ZNF85: variants seen among roughly 807,000 people sequenced by gnomAD.
ZNF85 encodes zinc finger protein 85 (HPF4, HTF1).
In ZNF85, 50 loss-of-function variants were observed where a neutral mutation model predicts 53.9. The ratio of observed to expected loss-of-function variants is 0.93; its 90% CI spans 0.74 to 1.17. ZNF85 has a LOEUF of 1.17. Ranked by LOEUF, ZNF85 falls within the 50% of genes most tolerant of loss-of-function variation. The pLI, the probability that ZNF85 is intolerant of heterozygous loss-of-function variation, is 0.00. For synonymous variants in ZNF85, 225 were observed against 226.1 expected, an observed-to-expected ratio of 1.00 and a Z score of 0.04; for missense variants, 747 against 688.5, an observed-to-expected ratio of 1.08 and a Z score of -0.95.
At chr19:20,937,003 T>TG (rs1483087888) in intron 3 of ZNF85, 5 of 188,236 alleles carry the variant, frequency 2.7e-5, no homozygotes, top group Non-Finnish European at 4.4e-5. Flanking sequence ...TTCAAGTTTT[T>TG]GGGGTTTTTT....
intron 1 of ZNF85, among the ~76,000 whole-genome samples, chr19:20,932,786 T>C (rs1443228880): frequency 2.6e-5 from 4 of 152,208 alleles, no homozygotes; most frequent in Admixed American, 2.6e-4. Context: ...ATCTGTATCC[T>C]GAACTTTGCA....
intron 1 of ZNF85, 35 bp downstream of exon 1, chr19:20,923,438 A>G (rs541183830): frequency 3.1e-6 from 5 of 1,613,768 alleles, no homozygotes; most frequent in African/African-American, 2.7e-5. Flanking sequence ...CGAGGGGGAA[A>G]GGGGTTGGTT....
Position 20,949,431 on chromosome 19 carries a change from A to G in ZNF85, c.917A>G (p.Lys306Arg), listed in dbSNP as rs745860938. 16 of 1,607,836 alleles carry G rather than the reference A, an allele frequency of 1.0e-5. No homozygotes were observed. The highest frequency in any genetic ancestry group is 2.2e-5 in the East Asian group (1 of 44,610). ...NRSSTLTTHR[K>R]IHTGEKPYKC... ...TCTTCAACCCTTACTACCCATAGAAAAATTCATACTGGAGAGAAACCTTAC... is the reference window on the plus strand; with the variant it reads ...TCTTCAACCCTTACTACCCATAGAAGAATTCATACTGGAGAGAAACCTTAC... Residue 306 changes from lysine (K) to arginine (R), a missense_variant, in exon 4 of 4, where the codon AAA (lysine) becomes AGA (arginine). Lys to Arg is a conservative substitution (Grantham distance 26, BLOSUM62 2). Transcript: ENST00000328178.
In ZNF85 at chr19:20,935,068, A is replaced by G. The variant is rs750758997; in HGVS notation, c.229+21A>G. The G allele has an allele frequency of 6.5e-6, 10 of 1,549,718 alleles. No homozygotes were observed. In the East Asian group the frequency reaches 1.6e-4, roughly 24 times the overall value. On this transcript the variant is annotated intron_variant, in intron 3 of 3. Transcript: ENST00000328178. ...CACAGGTAGGTGAAAGTGAAAATGA[A>G]TACAGCAGATGACACATGAGAGGTC... is the stretch of plus-strand genomic sequence containing the variant.
chr19:20,930,542 T>C (rs1352294056), intron 1 of ZNF85, among the ~76,000 whole-genome samples: 1 of 151,546 alleles, frequency 6.6e-6, no homozygotes, highest in Non-Finnish European at 1.5e-5. Flanking sequence ...ATTAAACACT[T>C]AATAACATCT....
chr19:20,942,859 T>C (rs1207501027), intron 3 of ZNF85: 2 of 698,228 alleles, frequency 2.9e-6, no homozygotes, highest in East Asian at 5.4e-5. Flanking sequence ...CACTGCAGCC[T>C]CAACCTTCTG....
At chr19:20,941,099 CT>C (rs1254525674) in intron 3 of ZNF85, among the ~76,000 whole-genome samples, 1 of 152,122 alleles carries the variant, frequency 6.6e-6, no homozygotes, top group African/African-American at 2.4e-5. Flanking sequence ...TGACTGCATC[CT>C]TGTTTTCCAC....
intron 1 of ZNF85, 110 bp downstream of exon 1, chr19:20,923,513 C>A (rs1972806929): frequency 1.3e-6 from 2 of 1,566,230 alleles, no homozygotes; most frequent in Non-Finnish European, 1.7e-6. Flanking sequence ...ACAATCTGCG[C>A]TCCAGTTCTT....
At chr19:20,937,255 C>T in intron 3 of ZNF85, 2 of 448,722 alleles carry the variant, frequency 4.5e-6, no homozygotes, top group South Asian at 1.6e-5. Flanking sequence ...GAGTCTCAAA[C>T]TCCTGACCTC....
At chr19:20,935,672 T>A (rs1405664765) in intron 3 of ZNF85, among the ~76,000 whole-genome samples, 4 of 151,932 alleles carry the variant, frequency 2.6e-5, no homozygotes, top group South Asian at 4.1e-4. Context: ...TTTTTTTTTT[T>A]ATTTCGCTCT....
At position 20,950,473 on chromosome 19, in the gene ZNF85, G is replaced by A. The variant is rs1973557436; in HGVS notation, c.*171G>A. On this transcript the variant is annotated 3_prime_UTR_variant, in exon 4 of 4. Transcript: ENST00000328178. ...CTAAAAATGTGAAGACTATGGCAAA[G>A]TCTTTAAATGGTTGTCACACTTTAG... 3 of 500,178 alleles carry A rather than the reference G, an allele frequency of 6.0e-6. No homozygotes were observed. The highest frequency in any genetic ancestry group is 1.0e-5 in the Non-Finnish European group (3 of 294,120). 31.0% of individuals were successfully genotyped at this position (500,178 alleles called of 1,614,324 possible).
At chr19:20,945,664 T>A (rs1200034152) in intron 3 of ZNF85, 1 of 152,200 alleles carries the variant, frequency 6.6e-6, no homozygotes, top group Non-Finnish European at 1.5e-5. Context: ...TTTGTATTTT[T>A]AGTGGAGGTG....
In ZNF85 at chr19:20,950,257, TACTA is replaced by T. The variant is rs772588720; in HGVS notation, c.1745_1748del (p.Thr582AsnfsTer4). On this transcript the variant is annotated frameshift_variant, in exon 4 of 4. Coordinates refer to ENST00000328178, the MANE Select transcript of ZNF85 (RefSeq NM_003429.5). LOFTEE classifies it high-confidence loss of function. Reference sequence around the variant, plus strand: ...AAGCTTTTAAATGGTCCTCAGTCCTTACTAAACATAAGATAATTCATACCGGAGA... The same window carrying T: ...AAGCTTTTAAATGGTCCTCAGTCCTTAACATAAGATAATTCATACCGGAGA... 4.4e-6 allele frequency: 7 copies of T among 1,574,176 alleles called. No homozygotes were observed. The highest frequency in any genetic ancestry group is 3.4e-4 in the Middle Eastern group (2 of 5,856).
intron 1 of ZNF85, among the ~76,000 whole-genome samples, chr19:20,931,067 G>A (rs111523628): frequency 1.1e-4 from 17 of 151,918 alleles, no homozygotes; most frequent in African/African-American, 2.2e-4. Context: ...GAGCCACTGC[G>A]CCTGGCAGAG....
At chr19:20,947,018 CTCTCTCTT>C (rs2032240565) in intron 3 of ZNF85, among the ~76,000 whole-genome samples, 1 of 119,538 alleles carries the variant, frequency 8.4e-6, no homozygotes, top group Non-Finnish European at 1.9e-5. Flanking sequence ...CCAATTTTCT[CTCTCTCTT>C]TCTTTGTGTC....
intron 1 of ZNF85, among the ~76,000 whole-genome samples, chr19:20,924,085 CAAAAAAA>C (rs35334102): frequency 1.0e-5 from 1 of 96,452 alleles, no homozygotes; most frequent in African/African-American, 3.8e-5. Context: ...AACTCCGTCT[CAAAAAAA>C]AAAAAAAAAG....
intron 1 of ZNF85, among the ~76,000 whole-genome samples, 187 bp downstream of exon 1, chr19:20,923,590 G>A (rs914122913): frequency 2.6e-5 from 4 of 152,152 alleles, no homozygotes; most frequent in African/African-American, 9.7e-5. Context: ...CGGCCCGGGC[G>A]TCCTGTCTCT....
At chr19:20,946,215 C>T in intron 3 of ZNF85, 1 of 310,280 alleles carries the variant, frequency 3.2e-6, no homozygotes, top group Non-Finnish European at 6.2e-6. Flanking sequence ...TTAATTATAC[C>T]CTGATTCCAT....
intron 1 of ZNF85, 97 bp downstream of exon 1, chr19:20,923,500 T>G (rs1413829766): frequency 6.3e-7 from 1 of 1,586,942 alleles, no homozygotes. Flanking sequence ...TGTAGTCAGC[T>G]CCACAATCTG....
Sources: gnomAD v4.1 joint callset for allele counts (sites outside exome capture counted in the v4.1 genomes callset) on GRCh38, gnomAD v4.1.1 for gene constraint, MANE v1.5 for transcripts, NCBI Gene and HGNC (gene_info 2026-07-23, HGNC 2026-07-21) for gene names.